Variants in SEL1L2 observed in about 807,000 individuals in gnomAD.
The protein encoded by SEL1L2 is SEL1L2 adaptor subunit of SYVN1 ubiquitin ligase.
SEL1L2 carries 89 observed loss-of-function variants against 98.8 expected under a neutral mutation model. That is an observed-to-expected ratio of 0.90 (90% CI 0.76 to 1.07). SEL1L2 has a LOEUF of 1.07. SEL1L2 is among the 50% of genes least tolerant of loss of function. SEL1L2 has a pLI of 0.00. For synonymous variants in SEL1L2, 262 were observed against 278.5 expected (o/e 0.94, Z 0.59); for missense variants, 788 against 812.0 (o/e 0.97, Z 0.36).
At chr20:13,866,614 T>C (rs964074893) in intron 15 of SEL1L2, 88 bp downstream of exon 15, 3 of 1,093,494 alleles carry the variant, frequency 2.7e-6, no homozygotes, top group African/African-American at 3.2e-5. Flanking sequence ...ATTTATAAAA[T>C]CAAAGACACC....
intron 14 of SEL1L2, among the ~76,000 whole-genome samples, chr20:13,868,223 C>T (rs1302283435): frequency 1.3e-5 from 2 of 151,916 alleles, no homozygotes; most frequent in Admixed American, 6.6e-5. Flanking sequence ...TACTTAGATT[C>T]GCATCATCCT....
At chr20:13,949,108 C>G (rs1191061157) in intron 2 of SEL1L2, among the ~76,000 whole-genome samples, 1 of 152,180 alleles carries the variant, frequency 6.6e-6, no homozygotes, top group East Asian at 1.9e-4. Context: ...AGTGAAAAGA[C>G]AACCCACAGA....
chr20:13,900,383 T>C (rs1223591488), intron 5 of SEL1L2, among the ~76,000 whole-genome samples: 1 of 152,016 alleles, frequency 6.6e-6, no homozygotes, highest in African/African-American at 2.4e-5. Context: ...TGTGATAGAC[T>C]GGTCATGTAA....
chr20:13,974,632 C>T (rs896521878), intron 1 of SEL1L2, among the ~76,000 whole-genome samples: 1 of 151,826 alleles, frequency 6.6e-6, no homozygotes, highest in Non-Finnish European at 1.5e-5. Flanking sequence ...GTACCCACCA[C>T]CATGCCTGAC....
Position 13,946,582 on chromosome 20 carries a change from T to C in SEL1L2, c.114+9494A>G, listed in dbSNP as rs117026665. Among the ~76,000 whole-genome samples the C allele has an allele frequency of 7.7e-4, 118 of 152,374 alleles. 1 individual carries two copies. The East Asian group carries it at 0.021, about 27-fold the overall frequency. ...GCAGCAGGGGAAGCACGCTTAGGGC[T>C]GTGTGCTCCGCAGAGCCAGTGGAAG... On this transcript the variant is annotated intron_variant, in intron 2 of 19. Coordinates refer to ENST00000284951, the MANE Select transcript of SEL1L2 (RefSeq NM_025229.2).
chr20:13,925,064 G>A (rs754736484), intron 3 of SEL1L2, among the ~76,000 whole-genome samples: 16 of 152,122 alleles, frequency 1.1e-4, no homozygotes, highest in African/African-American at 1.4e-4. Context: ...GCTTAAACCC[G>A]GGAGAAGGAG....
At chr20:13,907,702 C>CTTTCTT (rs2048002703) in intron 5 of SEL1L2, among the ~76,000 whole-genome samples, 1 of 59,116 alleles carries the variant, frequency 1.7e-5, no homozygotes, top group Admixed American at 1.8e-4. Context: ...CTTTCTTTCT[C>CTTTCTT]TTTCTTTCTT....
intron 5 of SEL1L2, among the ~76,000 whole-genome samples, chr20:13,904,546 A>AATAT (rs934249645): frequency 6.6e-6 from 1 of 151,622 alleles, no homozygotes; most frequent in African/African-American, 2.4e-5. Context: ...CAAACAAATA[A>AATAT]ATATATATAT....
chr20:13,899,479 G>A (rs1463517111), intron 5 of SEL1L2, among the ~76,000 whole-genome samples: 5 of 152,242 alleles, frequency 3.3e-5, no homozygotes, highest in Admixed American at 3.3e-4. Flanking sequence ...TTACTAAGCA[G>A]ATGGTGCCAG....
At chr20:13,892,215 C>T (rs768635599) in intron 5 of SEL1L2, among the ~76,000 whole-genome samples, 2 of 151,886 alleles carry the variant, frequency 1.3e-5, no homozygotes, top group South Asian at 2.1e-4. Flanking sequence ...TTTGGGAGGC[C>T]GAGGTGAATG....
At chr20:13,863,738 G>A (rs184451024) in intron 17 of SEL1L2, among the ~76,000 whole-genome samples, 12 of 152,244 alleles carry the variant, frequency 7.9e-5, no homozygotes, top group East Asian at 1.9e-4. Flanking sequence ...TTGGGAAGCC[G>A]AGGCAGGCAG....
At chr20:13,955,980 G>T in intron 2 of SEL1L2, 96 bp downstream of exon 2, 2 of 683,668 alleles carry the variant, frequency 2.9e-6, no homozygotes, top group Non-Finnish European at 5.1e-6. Context: ...AAAAAAAAAA[G>T]AGACAATAGT....
At chr20:13,903,534 G>A (rs910229892) in intron 5 of SEL1L2, among the ~76,000 whole-genome samples, 1 of 152,160 alleles carries the variant, frequency 6.6e-6, no homozygotes, top group African/African-American at 2.4e-5. Flanking sequence ...CAACACTCTA[G>A]TCTTTGCTAT....
rs746460351 is a variant in SEL1L2 at position 13,866,759 on chromosome 20, C to G, written c.1347G>C (p.Leu449=). ...QSGQPLAIYY[L]AKMYATGTGV... The stretch of plus-strand genomic sequence containing the variant: ...CTGTTCCTGTTGCATACATCTTGGC[C>G]AGATAATAAATGGCAAGGGGCTGCC... Residue 449 remains leucine (L), a synonymous_variant, in exon 15 of 20, where the codon CTG becomes CTC. Transcript: ENST00000284951. 4 of 1,612,122 alleles carry G rather than the reference C, an allele frequency of 2.5e-6. No homozygotes were observed. The African/African-American group carries it at 5.3e-5, about 22-fold the overall frequency.
chr20:13,850,261 T>C lies in SEL1L2; in HGVS notation c.1877A>G (p.His626Arg), dbSNP rs1329888907. Residue 626 changes from histidine (H) to arginine (R), a missense_variant, in exon 19 of 20, where the codon CAC becomes CGC. Transcript: ENST00000284951. ...CATGACGGCAAAGAGCACAGGTATG[T>C]GGGCATCTGGACTCGTTTGAGCAGC... ...DMAAQTSPDA[H>R]IPVLFAVMKL... The C allele has an allele frequency of 1.9e-6, 3 of 1,613,972 alleles. No individual in the cohort carries two copies. The highest frequency in any genetic ancestry group is 2.5e-6 in the Non-Finnish European group (3 of 1,179,948).
intron 5 of SEL1L2, among the ~76,000 whole-genome samples, chr20:13,893,977 A>G (rs1400168924): frequency 6.6e-6 from 1 of 152,188 alleles, no homozygotes; most frequent in Non-Finnish European, 1.5e-5. Context: ...ACATCTTGAG[A>G]AAAATGAAAA....
At chr20:13,874,124 C>T (rs2046326153) in intron 12 of SEL1L2, among the ~76,000 whole-genome samples, 1 of 152,130 alleles carries the variant, frequency 6.6e-6, no homozygotes, top group South Asian at 2.1e-4. Context: ...GGGGACGGGC[C>T]TGACATGCTC....
chr20:13,903,327 G>A (rs888762853), intron 5 of SEL1L2, among the ~76,000 whole-genome samples: 4 of 151,954 alleles, frequency 2.6e-5, no homozygotes, highest in African/African-American at 2.4e-5. Context: ...ACTTTCTCAC[G>A]GTTCCTCCTC....
At chr20:13,871,358 G>A (rs990201594) in intron 12 of SEL1L2, among the ~76,000 whole-genome samples, 6 of 152,108 alleles carry the variant, frequency 3.9e-5, no homozygotes, top group African/African-American at 1.4e-4. Context: ...TTCAGCACAT[G>A]TTCAAATATA....
Sources: gnomAD v4.1 joint callset for allele counts (sites outside exome capture counted in the v4.1 genomes callset) on GRCh38, gnomAD v4.1.1 for gene constraint, MANE v1.5 for transcripts, NCBI Gene and HGNC (gene_info 2026-07-23, HGNC 2026-07-21) for gene names.